ULK4: variants seen among roughly 807,000 people sequenced by gnomAD.
ULK4 encodes inactive serine/threonine-protein kinase ULK4.
A neutral mutation model predicts 160.6 loss-of-function variants in ULK4; 133 were observed. That is an observed-to-expected ratio of 0.83 (90% confidence interval 0.72 to 0.96). The LOEUF (loss-of-function observed/expected upper bound fraction) is 0.96. Ranked by LOEUF, ULK4 falls within the 40% of genes least tolerant of loss-of-function variation. The pLI is 0.00. For missense variants in ULK4, 1,580 were observed against 1,499.5 expected, an observed-to-expected ratio of 1.05 and a Z score of -0.89; for synonymous variants, 534 against 539.8, an observed-to-expected ratio of 0.99 and a Z score of 0.15.
At chr3:41,557,696 T>G (rs2087350208) in intron 32 of ULK4, among the ~76,000 whole-genome samples, 1 of 151,760 alleles carries the variant, frequency 6.6e-6, no homozygotes, top group Non-Finnish European at 1.5e-5. Context: ...AGCCAGGAAT[T>G]CAAAACTGCA....
In ULK4 at chr3:41,954,605, G is replaced by T; in HGVS notation, c.138+17C>A. Reference sequence around the variant, plus strand: ...AGCTCTCTCTTTCCCCATGCCAATGGAAATACACTGACTTACCCAGTTGGT... The same window carrying T: ...AGCTCTCTCTTTCCCCATGCCAATGTAAATACACTGACTTACCCAGTTGGT... On this transcript the variant is annotated intron_variant, in intron 2 of 36. Transcript: ENST00000301831. The T allele has an allele frequency of 1.9e-6, 3 of 1,607,428 alleles. No homozygotes were observed. The highest frequency in any genetic ancestry group is 2.5e-6 in the Non-Finnish European group (3 of 1,177,082).
At chr3:41,862,816 C>T (rs534242265) in intron 17 of ULK4, among the ~76,000 whole-genome samples, 108 of 148,212 alleles carry the variant, frequency 7.3e-4, no homozygotes, top group African/African-American at 2.6e-3. Flanking sequence ...TCTCTCTCTC[C>T]CTCTTTCTCT....
rs1445101358 is a variant in ULK4, at chr3:41,907,906, T to C, written c.1121A>G (p.Glu374Gly). ...AGTCATATCCTCACCAGGACTTACT[T>C]CCACTGCAGTGCTAGTTCTGGGAGT... ...RPTPRTSTAV[E>G]VSPGEDMTHC... The change falls in exon 12 of 37, where the codon GAA (glutamate) becomes GGA (glycine). Residue 374 changes from glutamate (E) to glycine (G), a missense_variant. Coordinates refer to ENST00000301831, the MANE Select transcript of ULK4 (RefSeq NM_017886.4). 3.7e-6 allele frequency: 6 copies of C among 1,606,646 alleles called. No individual in the cohort carries two copies. Among genetic ancestry groups the C allele is most frequent in the Non-Finnish European group, 4.2e-6 (5 of 1,176,856 alleles).
intron 12 of ULK4, among the ~76,000 whole-genome samples, chr3:41,902,279 A>G (rs1475291985): frequency 2.6e-5 from 4 of 152,082 alleles, no homozygotes; most frequent in African/African-American, 9.7e-5. Context: ...CAGACAAAAG[A>G]CAAGAAAACA....
chr3:41,400,512 T>C (rs2082156620), intron 34 of ULK4, among the ~76,000 whole-genome samples: 1 of 152,226 alleles, frequency 6.6e-6, no homozygotes, highest in Admixed American at 6.5e-5. Context: ...GTATCAATAG[T>C]TCATTTCTTT....
chr3:41,256,254 A>G (rs1401810970), intron 35 of ULK4, among the ~76,000 whole-genome samples: 3 of 152,224 alleles, frequency 2.0e-5, no homozygotes, highest in African/African-American at 7.2e-5. Context: ...AAAATTTGCA[A>G]TGGAAAGGCA....
At chr3:41,889,365 C>G (rs537153340) in intron 16 of ULK4, among the ~76,000 whole-genome samples, 1 of 152,008 alleles carries the variant, frequency 6.6e-6, no homozygotes, top group African/African-American at 2.4e-5. Flanking sequence ...TGAACAAAAC[C>G]TTTCAAATAT....
At chr3:41,328,461 G>A (rs922347293) in intron 35 of ULK4, among the ~76,000 whole-genome samples, 1 of 152,104 alleles carries the variant, frequency 6.6e-6, no homozygotes, top group African/African-American at 2.4e-5. Flanking sequence ...ACCAGGATGA[G>A]AAAAGAAGCA....
intron 25 of ULK4, among the ~76,000 whole-genome samples, chr3:41,711,921 C>T (rs991142596): frequency 1.3e-5 from 2 of 152,154 alleles, no homozygotes; most frequent in African/African-American, 4.8e-5. Flanking sequence ...ACTGCTGAAA[C>T]CTGGAGAGGG....
intron 35 of ULK4, chr3:41,251,114 C>T (rs893939959): frequency 6.6e-6 from 1 of 152,204 alleles, no homozygotes; most frequent in Non-Finnish European, 1.5e-5. Context: ...AGATGACTTT[C>T]ATCCACAAGG....
intron 32 of ULK4, among the ~76,000 whole-genome samples, chr3:41,561,002 G>C (rs1448256148): frequency 6.6e-6 from 1 of 152,200 alleles, no homozygotes; most frequent in East Asian, 1.9e-4. Flanking sequence ...CTGTGGGTAT[G>C]TCATAAATAG....
At chr3:41,666,079 T>C (rs1450805897) in intron 29 of ULK4, among the ~76,000 whole-genome samples, 1 of 152,200 alleles carries the variant, frequency 6.6e-6, no homozygotes, top group Non-Finnish European at 1.5e-5. Flanking sequence ...CCAGTAGCAA[T>C]GTGTGGCAAC....
intron 34 of ULK4, among the ~76,000 whole-genome samples, chr3:41,427,025 TAAA>T (rs2082792191): frequency 6.6e-6 from 1 of 151,308 alleles, no homozygotes; most frequent in Admixed American, 6.6e-5. Flanking sequence ...GCTAGACAAA[TAAA>T]GAAGAAAAGA....
At chr3:41,600,947 T>C (rs2032021658) in intron 31 of ULK4, among the ~76,000 whole-genome samples, 1 of 152,116 alleles carries the variant, frequency 6.6e-6, no homozygotes, top group Admixed American at 6.5e-5. Context: ...AGATGCCTAT[T>C]TTACACAAGA....
At chr3:41,716,106 G>A (rs1333803944) in intron 23 of ULK4, among the ~76,000 whole-genome samples, 2 of 151,160 alleles carry the variant, frequency 1.3e-5, no homozygotes, top group African/African-American at 2.4e-5. Flanking sequence ...CCAGCTACTT[G>A]GGAGGCTGAG....
At chr3:41,562,330 A>G (rs2087614310) in intron 32 of ULK4, among the ~76,000 whole-genome samples, 1 of 151,980 alleles carries the variant, frequency 6.6e-6, no homozygotes, top group South Asian at 2.1e-4. Context: ...AGGAGAATGT[A>G]TTTTCTGTTT....
At chr3:41,643,411 G>A (rs938211269) in intron 30 of ULK4, among the ~76,000 whole-genome samples, 2 of 152,130 alleles carry the variant, frequency 1.3e-5, no homozygotes, top group Non-Finnish European at 2.9e-5. Context: ...TCTACATATG[G>A]CTAGCCAGTT....
Position 41,279,259 on chromosome 3 carries a change from A to AAAAC in ULK4, c.3679-29686_3679-29685insGTTT, listed in dbSNP as rs200126200. Among the ~76,000 whole-genome samples, 861 of 121,000 alleles carry AAAAC rather than the reference A, an allele frequency of 7.1e-3. 11 individuals carry two copies. The highest frequency in any genetic ancestry group is 8.0e-3 in the African/African-American group (229 of 28,524). The allele number at this position is 121,000 out of a possible 152,430, so 79.4% of individuals were successfully genotyped here. On this transcript the variant is annotated intron_variant, in intron 35 of 36. Transcript: ENST00000301831. ...AAAGATTAGAGAAAAAAAGAGTAAA[A>AAAAC]AAAAAAAAAAAAAAAACAAAACGAC...
chr3:41,756,490 C>T (rs533830462), intron 21 of ULK4, among the ~76,000 whole-genome samples: 1 of 152,134 alleles, frequency 6.6e-6, no homozygotes, highest in Non-Finnish European at 1.5e-5. Context: ...ATACCATCAA[C>T]TCCACTGAAT....
Sources: allele counts gnomAD v4.1 joint callset (sites outside exome capture counted in the v4.1 genomes callset), GRCh38; gene constraint gnomAD v4.1.1; transcripts MANE v1.5; gene names NCBI Gene and HGNC (gene_info 2026-07-23, HGNC 2026-07-21).